MRTFA: variants seen among roughly 807,000 people sequenced by gnomAD.
MRTFA encodes the protein myocardin-related transcription factor A.
In MRTFA, 20 loss-of-function variants were observed where a neutral mutation model predicts 83.5. The ratio of observed to expected loss-of-function variants is 0.24; its 90% CI spans 0.17 to 0.35. The LOEUF (loss-of-function observed/expected upper bound fraction) is 0.35, where lower values mean the gene tolerates loss of function less well. Ranked by LOEUF, MRTFA falls within the 10% of genes least tolerant of loss-of-function variation. MRTFA has a pLI of 1.00. For missense variants in MRTFA, 1,200 were observed against 1,224.7 expected (o/e 0.98, Z 0.30); for synonymous variants, 659 against 541.2 (o/e 1.22, Z -3.02).
At chr22:40,554,344 G>A (rs2055487621) in intron 2 of MRTFA, among the ~76,000 whole-genome samples, 1 of 152,148 alleles carries the variant, frequency 6.6e-6, no homozygotes, top group Admixed American at 6.5e-5. Flanking sequence ...ATCTCACCTT[G>A]AACTGTAGTT....
At chr22:40,546,769 G>A (rs547288949) in intron 3 of MRTFA, among the ~76,000 whole-genome samples, 48 of 152,310 alleles carry the variant, frequency 3.2e-4, no homozygotes, top group South Asian at 8.3e-4. Flanking sequence ...AACACCTTGG[G>A]TCCAACAGCA....
chr22:40,586,909 CTGGTGCTGG>C (rs2147369571), intron 2 of MRTFA: 1 of 419,312 alleles, frequency 2.4e-6, no homozygotes. Flanking sequence ...GCTGGTGCTG[CTGGTGCTGG>C]TGCTGGTGCT....
intron 2 of MRTFA, among the ~76,000 whole-genome samples, chr22:40,592,682 A>T (rs569108878): frequency 3.7e-4 from 56 of 152,068 alleles, no homozygotes; most frequent in South Asian, 1.5e-3. Flanking sequence ...TTGTAGAGAC[A>T]GGATTTCACC....
At chr22:40,479,410 C>G (rs1468073596) in intron 3 of MRTFA, among the ~76,000 whole-genome samples, 1 of 152,074 alleles carries the variant, frequency 6.6e-6, no homozygotes, top group East Asian at 1.9e-4. Flanking sequence ...CTGGGGCATC[C>G]GCTGCTGCTG....
intron 3 of MRTFA, among the ~76,000 whole-genome samples, chr22:40,506,074 A>G (rs966124924): frequency 1.9e-4 from 29 of 152,214 alleles, no homozygotes; most frequent in African/African-American, 6.3e-4. Flanking sequence ...TCTACTAAAA[A>G]TACAAAAAAA....
chr22:40,531,538 T>G (rs937193547), intron 3 of MRTFA, among the ~76,000 whole-genome samples: 2 of 152,158 alleles, frequency 1.3e-5, no homozygotes, highest in Non-Finnish European at 2.9e-5. Flanking sequence ...GGTAAAACTT[T>G]CCATCCTGAA....
At chr22:40,483,949 C>T (rs564938443) in intron 3 of MRTFA, among the ~76,000 whole-genome samples, 96 of 152,034 alleles carry the variant, frequency 6.3e-4, no homozygotes, top group South Asian at 1.7e-3. Context: ...TCAAGTGATC[C>T]GCTCACCTCA....
chr22:40,469,251 T>C (rs2053860516), intron 3 of MRTFA, among the ~76,000 whole-genome samples: 1 of 152,176 alleles, frequency 6.6e-6, no homozygotes, highest in African/African-American at 2.4e-5. Flanking sequence ...CGGGGCCTAG[T>C]GGGAAGTGTC....
intron 4 of MRTFA, among the ~76,000 whole-genome samples, chr22:40,448,846 G>C (rs2053432833): frequency 6.6e-6 from 1 of 152,148 alleles, no homozygotes; most frequent in South Asian, 2.1e-4. Context: ...AATGACCAGC[G>C]ATATGGTACA....
chr22:40,452,262 G>A (rs2053506769), intron 4 of MRTFA, among the ~76,000 whole-genome samples: 2 of 152,110 alleles, frequency 1.3e-5, no homozygotes, highest in Admixed American at 1.3e-4. Context: ...GGGATTACTG[G>A]CATAAGCTAT....
chr22:40,485,547 G>C (rs1212258396), intron 3 of MRTFA, among the ~76,000 whole-genome samples: 1 of 152,164 alleles, frequency 6.6e-6, no homozygotes, highest in Non-Finnish European at 1.5e-5. Flanking sequence ...GGAAGCCTAA[G>C]GAGTGTATCA....
chr22:40,543,229 A>G (rs1010449538), intron 3 of MRTFA, among the ~76,000 whole-genome samples: 1 of 152,174 alleles, frequency 6.6e-6, no homozygotes, highest in African/African-American at 2.4e-5. Context: ...CCCAAGAAAT[A>G]CTGTAATTTG....
intron 2 of MRTFA, chr22:40,587,952 A>C: frequency 2.8e-6 from 1 of 359,958 alleles, no homozygotes; most frequent in Non-Finnish European, 5.4e-6. Context: ...TTGCCAGATG[A>C]CTCCCCTTTT....
intron 3 of MRTFA, among the ~76,000 whole-genome samples, chr22:40,548,031 A>G (rs956113923): frequency 4.6e-5 from 7 of 151,992 alleles, no homozygotes; most frequent in Non-Finnish European, 5.9e-5. Context: ...AAGAATTCCA[A>G]TTACAATATA....
chr22:40,479,408 T>A lies in MRTFA; in HGVS notation c.242-16122A>T, dbSNP rs371126362. Among the ~76,000 whole-genome samples the A allele has an allele frequency of 1.4e-4, 22 of 152,256 alleles. No individual in the cohort carries two copies. In the East Asian group the frequency reaches 3.1e-3, roughly 21 times the overall value. On this transcript the variant is annotated intron_variant, in intron 3 of 14. Transcript: ENST00000355630. Reference sequence around the variant, plus strand: ...ACACCCAACTATAAAATCTGGGGCATCCGCTGCTGCTGGCCGGCCTTTCCT... The same window carrying A: ...ACACCCAACTATAAAATCTGGGGCAACCGCTGCTGCTGGCCGGCCTTTCCT...
chr22:40,503,977 T>G (rs1228797920), intron 3 of MRTFA, among the ~76,000 whole-genome samples: 1 of 152,140 alleles, frequency 6.6e-6, no homozygotes, highest in African/African-American at 2.4e-5. Flanking sequence ...TGCCTGAAAC[T>G]TCATAGATTA....
At chr22:40,532,511 C>T (rs901974500) in intron 3 of MRTFA, among the ~76,000 whole-genome samples, 1 of 152,170 alleles carries the variant, frequency 6.6e-6, no homozygotes, top group Non-Finnish European at 1.5e-5. Flanking sequence ...GGAAAGGCAA[C>T]CTGAAACACA....
intron 1 of MRTFA, among the ~76,000 whole-genome samples, chr22:40,622,263 C>T (rs1394216115): frequency 2.0e-5 from 3 of 151,948 alleles, no homozygotes; most frequent in South Asian, 2.1e-4. Flanking sequence ...AGGTAGATCA[C>T]GAGGTCAGGA....
chr22:40,422,519 C>A (rs878900361), intron 9 of MRTFA, among the ~76,000 whole-genome samples: 4 of 152,216 alleles, frequency 2.6e-5, no homozygotes, highest in Admixed American at 2.6e-4. Context: ...AGCACCCGGG[C>A]AGGCAGTGCT....
Sources: gnomAD v4.1 joint callset for allele counts (sites outside exome capture counted in the v4.1 genomes callset) on GRCh38, gnomAD v4.1.1 for gene constraint, MANE v1.5 for transcripts, NCBI Gene and HGNC (gene_info 2026-07-23, HGNC 2026-07-21) for gene names.